SLC35F3: variants seen among roughly 807,000 people sequenced by gnomAD.
The protein encoded by SLC35F3 is solute carrier family 35 member F3, also known as putative thiamine transporter SLC35F3.
A neutral mutation model predicts 49.9 loss-of-function variants in SLC35F3; 25 were observed. The observed-to-expected ratio is 0.50, with a 90% CI of 0.37 to 0.70. The LOEUF (loss-of-function observed/expected upper bound fraction) is 0.70. SLC35F3 is among the 30% of genes least tolerant of loss of function. SLC35F3 has a pLI of 0.00. For synonymous variants in SLC35F3, 275 were observed against 265.4 expected (o/e 1.04, Z -0.35); for missense variants, 525 against 639.8 (o/e 0.82, Z 1.94).
chr1:234,265,555 A>C (rs1226822541), intron 3 of SLC35F3, among the ~76,000 whole-genome samples: 3 of 152,018 alleles, frequency 2.0e-5, no homozygotes, highest in Non-Finnish European at 4.4e-5. Context: ...CTTCCAGAAC[A>C]TATGTAGAAA....
chr1:234,111,042 T>C (rs1338395536), intron 2 of SLC35F3, among the ~76,000 whole-genome samples: 1 of 152,142 alleles, frequency 6.6e-6, no homozygotes, highest in African/African-American at 2.4e-5. Flanking sequence ...TTTTAGAACA[T>C]TGTTATAGGA....
At chr1:234,072,528 A>G (rs1664730718) in intron 2 of SLC35F3, among the ~76,000 whole-genome samples, 1 of 152,212 alleles carries the variant, frequency 6.6e-6, no homozygotes, top group Non-Finnish European at 1.5e-5. Flanking sequence ...GATGGAGAAA[A>G]ATTAAGCCAG....
chr1:234,307,257 G>A (rs1286317551), intron 3 of SLC35F3, among the ~76,000 whole-genome samples: 1 of 152,208 alleles, frequency 6.6e-6, no homozygotes, highest in East Asian at 1.9e-4. Context: ...AGTTGAATCG[G>A]TTTCATGATA....
At chr1:234,299,235 G>A (rs146818455) in intron 3 of SLC35F3, among the ~76,000 whole-genome samples, 52 of 152,278 alleles carry the variant, frequency 3.4e-4, no homozygotes, top group South Asian at 1.0e-3. Context: ...CAAAAAAAGC[G>A]TCCACCAAGG....
chr1:234,089,603 G>A (rs1171509707), intron 2 of SLC35F3, among the ~76,000 whole-genome samples: 1 of 152,228 alleles, frequency 6.6e-6, no homozygotes, highest in African/African-American at 2.4e-5. Context: ...GAAAGCACAT[G>A]AGCAGGGAGG....
chr1:233,983,998 A>G (rs967911192), intron 2 of SLC35F3, among the ~76,000 whole-genome samples: 9 of 152,174 alleles, frequency 5.9e-5, no homozygotes, highest in Non-Finnish European at 1.2e-4. Context: ...TTGATTTGCT[A>G]GTCACTGTTG....
rs1412723518 is a variant in SLC35F3, at chr1:234,320,968, T to G, written c.1237+781T>G. On this transcript the variant is annotated intron_variant, in intron 7 of 7. Transcript: ENST00000366618. The surrounding 1 kb of genome is among the most constrained non-coding windows in gnomAD (Gnocchi z 4.8). The stretch of plus-strand genomic sequence containing the variant: ...CTGTCCTCCCCAGAACACTCACTCC[T>G]TTGTCCCTGGCACAGCTTCCTCCAA... Among the ~76,000 whole-genome samples, 1 of 152,050 alleles carries G rather than the reference T, an allele frequency of 6.6e-6. No individual in the cohort carries two copies. Among genetic ancestry groups the G allele is most frequent in the Non-Finnish European group, 1.5e-5 (1 of 67,996 alleles).
chr1:234,169,011 C>T (rs1666358889), intron 2 of SLC35F3, among the ~76,000 whole-genome samples: 1 of 152,146 alleles, frequency 6.6e-6, no homozygotes, highest in South Asian at 2.1e-4. Flanking sequence ...GAAATTCAGA[C>T]CAAGTATAAA....
At chr1:234,249,236 C>G (rs929549801) in intron 3 of SLC35F3, among the ~76,000 whole-genome samples, 1 of 152,164 alleles carries the variant, frequency 6.6e-6, no homozygotes, top group Non-Finnish European at 1.5e-5. Flanking sequence ...CACCTCCAGG[C>G]GTGTATACTG....
At chr1:234,102,660 G>C (rs1296754106) in intron 2 of SLC35F3, among the ~76,000 whole-genome samples, 8 of 152,308 alleles carry the variant, frequency 5.3e-5, no homozygotes, top group Non-Finnish European at 1.2e-4. Flanking sequence ...CATCCAAGCT[G>C]TGACTGCTGC....
chr1:233,940,692 T>A (rs1662406919), intron 2 of SLC35F3, among the ~76,000 whole-genome samples: 1 of 152,346 alleles, frequency 6.6e-6, no homozygotes, highest in South Asian at 2.1e-4. Context: ...TGCATTATGC[T>A]GTCATTTATT....
chr1:234,146,492 T>TTTTTTG, intron 2 of SLC35F3, among the ~76,000 whole-genome samples: 1 of 136,518 alleles, frequency 7.3e-6, no homozygotes, highest in African/African-American at 2.9e-5. Context: ...TTTTTTTTTT[T>TTTTTTG]TTTTTTTTTT....
chr1:234,072,321 AT>A (rs1188795223), intron 2 of SLC35F3, among the ~76,000 whole-genome samples: 9 of 152,150 alleles, frequency 5.9e-5, no homozygotes, highest in Non-Finnish European at 1.5e-5. Flanking sequence ...TGCAAACATA[AT>A]TTTCTGTTAG....
chr1:234,179,494 G>T (rs984150402), intron 2 of SLC35F3, among the ~76,000 whole-genome samples: 1 of 152,082 alleles, frequency 6.6e-6, no homozygotes, highest in Non-Finnish European at 1.5e-5. Flanking sequence ...TACACATAAG[G>T]TATAGTGATC....
chr1:233,934,698 T>C (rs1662296600), intron 2 of SLC35F3, among the ~76,000 whole-genome samples: 2 of 152,032 alleles, frequency 1.3e-5, no homozygotes, highest in East Asian at 1.9e-4. Context: ...ATTACTGGCA[T>C]GTAAGTGATT....
At chr1:234,122,015 C>T (rs1207851870) in intron 2 of SLC35F3, among the ~76,000 whole-genome samples, 1 of 152,158 alleles carries the variant, frequency 6.6e-6, no homozygotes, top group African/African-American at 2.4e-5. Flanking sequence ...GTGAATAGTG[C>T]TGCAATAAAT....
At chr1:233,972,108 A>G (rs765719205) in intron 2 of SLC35F3, among the ~76,000 whole-genome samples, 5 of 152,206 alleles carry the variant, frequency 3.3e-5, no homozygotes, top group Non-Finnish European at 7.3e-5. Flanking sequence ...CTATTTGGCC[A>G]TGACAACTAA....
At chr1:234,134,065 G>A (rs575626023) in intron 2 of SLC35F3, among the ~76,000 whole-genome samples, 15 of 152,246 alleles carry the variant, frequency 9.9e-5, no homozygotes, top group South Asian at 6.2e-4. Context: ...AGCAAGATAA[G>A]TTGGCTTTTT....
At chr1:233,927,720 C>G (rs1662182493) in intron 2 of SLC35F3, among the ~76,000 whole-genome samples, 1 of 151,630 alleles carries the variant, frequency 6.6e-6, no homozygotes, top group African/African-American at 2.4e-5. Flanking sequence ...TTTTTGTCTC[C>G]CAGAGTATGA....
Sources: allele counts gnomAD v4.1 joint callset (sites outside exome capture counted in the v4.1 genomes callset), GRCh38; gene constraint gnomAD v4.1.1; non-coding constraint Gnocchi (gnomAD v3.1); transcripts MANE v1.5; gene names NCBI Gene and HGNC (gene_info 2026-07-23, HGNC 2026-07-21).